Variants in CCDC171 observed in about 807,000 individuals in gnomAD.
CCDC171 encodes coiled-coil domain containing 171.
A neutral mutation model predicts 168.2 loss-of-function variants in CCDC171; 177 were observed. The ratio of observed to expected loss-of-function variants is 1.05; its 90% CI spans 0.93 to 1.19. CCDC171 has a LOEUF of 1.19. CCDC171 is among the 50% of genes most tolerant of loss of function. The pLI, the probability that CCDC171 is intolerant of heterozygous loss-of-function variation, is 0.00. For synonymous variants in CCDC171, 687 were observed against 540.8 expected (o/e 1.27, Z -3.75); for missense variants, 1,991 against 1,539.0 (o/e 1.29, Z -4.91).
At chr9:15,776,115 G>A (rs2057310983) in intron 18 of CCDC171, 1 of 151,896 alleles carries the variant, frequency 6.6e-6, no homozygotes, top group South Asian at 2.1e-4. Context: ...GCCATATAAA[G>A]CTACTTAGTT....
chr9:15,557,272 G>T (rs1217189614), intron 1 of CCDC171, among the ~76,000 whole-genome samples: 2 of 152,030 alleles, frequency 1.3e-5, no homozygotes, highest in African/African-American at 4.8e-5. Context: ...TTCCAATTCT[G>T]TGAAGAAAGT....
intron 24 of CCDC171, among the ~76,000 whole-genome samples, chr9:15,904,532 T>G (rs1177480287): frequency 1.3e-5 from 2 of 151,836 alleles, no homozygotes; most frequent in South Asian, 4.2e-4. Flanking sequence ...GCACTAAACA[T>G]GGAAAGGGAC....
intron 24 of CCDC171, among the ~76,000 whole-genome samples, chr9:15,915,774 G>T (rs1186333658): frequency 6.6e-6 from 1 of 152,054 alleles, no homozygotes; most frequent in Non-Finnish European, 1.5e-5. Flanking sequence ...TTACTATGTT[G>T]AGGCCTCTCC....
chr9:15,625,558 A>G (rs1254989327), intron 7 of CCDC171, among the ~76,000 whole-genome samples: 1 of 152,184 alleles, frequency 6.6e-6, no homozygotes, highest in Non-Finnish European at 1.5e-5. Flanking sequence ...TCCCAGCACC[A>G]TTTATTAAAG....
At chr9:16,078,098 A>T in the CCDC171 span, among the ~76,000 whole-genome samples, 8 of 139,158 alleles carry the variant, frequency 5.7e-5, no homozygotes, top group East Asian at 4.0e-4. Flanking sequence ...ACACACACAC[A>T]CTCACAAAGG....
intron 2 of CCDC171, among the ~76,000 whole-genome samples, chr9:15,568,844 C>A (rs898229254): frequency 2.0e-5 from 3 of 151,912 alleles, no homozygotes; most frequent in African/African-American, 7.3e-5. Context: ...TTCCCATTCT[C>A]TAGGCTGTTT....
intron 21 of CCDC171, among the ~76,000 whole-genome samples, chr9:15,811,911 C>A (rs1410608842): frequency 3.9e-5 from 6 of 152,162 alleles, no homozygotes; most frequent in Non-Finnish European, 8.8e-5. Flanking sequence ...AAACTGGTAT[C>A]AGGGCTGGAA....
At chr9:15,628,360 C>T (rs771628449) in intron 7 of CCDC171, among the ~76,000 whole-genome samples, 1 of 152,164 alleles carries the variant, frequency 6.6e-6, no homozygotes, top group Non-Finnish European at 1.5e-5. Flanking sequence ...TAAAAAACGG[C>T]GCACCAGGAG....
In CCDC171 at chr9:15,917,735, T is replaced by C. The variant is rs114613687; in HGVS notation, c.3601-2535T>C. ...AGAAAATGGGATAACTTTTAAAATG[T>C]GGAACTTTTAATCCTAAAATATTAA... On this transcript the variant is annotated intron_variant, in intron 24 of 25. Coordinates refer to ENST00000380701, the MANE Select transcript of CCDC171 (RefSeq NM_173550.4). 1.5e-3 allele frequency among the ~76,000 whole-genome samples: 228 copies of C among 151,772 alleles called. 1 individual carries two copies. The highest frequency in any genetic ancestry group is 5.4e-3 in the African/African-American group (223 of 41,534).
chr9:15,578,246 T>A (rs1261105065), intron 3 of CCDC171, among the ~76,000 whole-genome samples: 3 of 150,998 alleles, frequency 2.0e-5, no homozygotes, highest in Non-Finnish European at 4.4e-5. Flanking sequence ...TTCTTTATTT[T>A]TTTTTTTTTA....
At chr9:15,951,313 G>T (rs530185116) in intron 25 of CCDC171, among the ~76,000 whole-genome samples, 3 of 151,742 alleles carry the variant, frequency 2.0e-5, no homozygotes, top group South Asian at 2.1e-4. Flanking sequence ...GAAATCAACA[G>T]AATATACATT....
At chr9:15,873,918 G>A (rs928657991) in intron 23 of CCDC171, among the ~76,000 whole-genome samples, 5 of 152,056 alleles carry the variant, frequency 3.3e-5, no homozygotes, top group Non-Finnish European at 7.4e-5. Context: ...TTTAGAAATT[G>A]TGTGACTGTG....
At chr9:16,055,125 G>T (rs994418415) in intron 1 of CCDC171, among the ~76,000 whole-genome samples, 6 of 152,234 alleles carry the variant, frequency 3.9e-5, no homozygotes, top group Non-Finnish European at 8.8e-5. Flanking sequence ...GAGGACCTCA[G>T]ATTTTTGACC....
Position 15,705,761 on chromosome 9 carries a change from G to T in CCDC171, c.1318+10424G>T, listed in dbSNP as rs559531534. Among the ~76,000 whole-genome samples, 12 of 152,250 alleles carry T rather than the reference G, an allele frequency of 7.9e-5. No homozygotes were observed. In the East Asian group the frequency reaches 2.3e-3, roughly 29 times the overall value. On this transcript the variant is annotated intron_variant, in intron 11 of 25. Coordinates refer to ENST00000380701, the MANE Select transcript of CCDC171 (RefSeq NM_173550.4). The stretch of plus-strand genomic sequence containing the variant: ...TTATTATTATATTTCAGTTCCATGA[G>T]GATGAGAATCTTTGTCTCCTTTAAT...
At chr9:15,889,535 G>T (rs16933738) in intron 24 of CCDC171, among the ~76,000 whole-genome samples, 1 of 152,036 alleles carries the variant, frequency 6.6e-6, no homozygotes, top group East Asian at 1.9e-4. Context: ...TTGAAAACTC[G>T]AAAGACTTCA....
intron 21 of CCDC171, among the ~76,000 whole-genome samples, chr9:15,814,689 G>A (rs1382067031): frequency 2.0e-5 from 3 of 151,656 alleles, no homozygotes; most frequent in South Asian, 2.1e-4. Context: ...ATTATATATA[G>A]AAAATTTAAA....
At chr9:15,698,413 C>T (rs983101326) in intron 11 of CCDC171, among the ~76,000 whole-genome samples, 19 of 150,714 alleles carry the variant, frequency 1.3e-4, no homozygotes, top group South Asian at 2.1e-4. Context: ...CCCAGCTACT[C>T]GGGAGGCTGA....
At chr9:15,661,578 C>T (rs1564160532) in intron 8 of CCDC171, among the ~76,000 whole-genome samples, 1 of 152,172 alleles carries the variant, frequency 6.6e-6, no homozygotes, top group Non-Finnish European at 1.5e-5. Flanking sequence ...GGTACATCTA[C>T]TACCTTTCGG....
intron 10 of CCDC171, among the ~76,000 whole-genome samples, chr9:15,691,802 G>A (rs2050818604): frequency 6.6e-6 from 1 of 151,932 alleles, no homozygotes; most frequent in Non-Finnish European, 1.5e-5. Flanking sequence ...TCAACCTGCT[G>A]AGTAACTGGG....
Sources: allele counts gnomAD v4.1 joint callset (sites outside exome capture counted in the v4.1 genomes callset), GRCh38; gene constraint gnomAD v4.1.1; transcripts MANE v1.5; gene names NCBI Gene and HGNC (gene_info 2026-07-23, HGNC 2026-07-21).